The following STAT4 variants were observed in gnomAD, a reference collection of about 807,000 sequenced individuals.
The protein encoded by STAT4 is signal transducer and activator of transcription 4.
Under a neutral mutation model 110.5 loss-of-function variants are expected in STAT4, and 42 were observed. That is an observed-to-expected ratio of 0.38 (90% CI 0.30 to 0.49). The LOEUF (loss-of-function observed/expected upper bound fraction) is 0.49, where lower values mean the gene tolerates loss of function less well. STAT4 is among the 20% of genes least tolerant of loss of function. The pLI is 0.95. For missense variants in STAT4, 632 were observed against 887.9 expected, an observed-to-expected ratio of 0.71 and a Z score of 3.66; for synonymous variants, 284 against 302.2, an observed-to-expected ratio of 0.94 and a Z score of 0.63.
rs192971783 is a variant in STAT4, at chr2:191,140,596, C to T, written c.273+6017G>A. Among the ~76,000 whole-genome samples the T allele has an allele frequency of 5.9e-5, 9 of 152,218 alleles. No homozygotes were observed. The highest frequency in any genetic ancestry group is 2.0e-4 in the Admixed American group (3 of 15,292). ...AATGAAAAAGTCAAAAACCAATAGA[C>T]GCTGGCATGGATGTAGTGAAAAGGG... On this transcript the variant is annotated intron_variant, in intron 3 of 23. Transcript: ENST00000392320. This position sits in a 1 kb window ranked among gnomAD's most constrained non-coding sequence, Gnocchi z 4.4.
rs566306763 is a variant in STAT4, at chr2:191,125,423, T to C, written c.273+21190A>G. Among the ~76,000 whole-genome samples, 38 of 151,718 alleles carry C rather than the reference T, an allele frequency of 2.5e-4. 1 individual carries two copies. The highest frequency in any genetic ancestry group is 8.7e-4 in the African/African-American group (36 of 41,460). ...AGTAGCCAATCAGAGCATATGGTAA[T>C]AGACAACTGGAAATTGACTATCTAC... is the stretch of plus-strand genomic sequence containing the variant. On this transcript the variant is annotated intron_variant, in intron 3 of 23. Transcript: ENST00000392320.
At chr2:191,087,907 AT>A (rs748589501) in intron 3 of STAT4, among the ~76,000 whole-genome samples, 2 of 152,104 alleles carry the variant, frequency 1.3e-5, no homozygotes, top group Non-Finnish European at 2.9e-5. Flanking sequence ...TAAAAAAAAA[AT>A]GTACCAAAAA....
rs974509323 is a variant in STAT4 at position 191,043,210 on chromosome 2, A to T, written c.1252-2062T>A. Among the ~76,000 whole-genome samples, 15 of 152,360 alleles carry T rather than the reference A, an allele frequency of 9.8e-5. No homozygotes were observed. Among genetic ancestry groups the T allele is most frequent in the Non-Finnish European group, 2.1e-4 (14 of 68,028 alleles). On this transcript the variant is annotated intron_variant, in intron 14 of 23. Transcript: ENST00000392320. This position sits in a 1 kb window ranked among gnomAD's most constrained non-coding sequence, Gnocchi z 4.8. ...AGAAACATTCTGAAAATAATAAAGA[A>T]CCACTTAAAATATAATAAGAGAAAT... is the stretch of plus-strand genomic sequence containing the variant.
rs992771924 is a variant in STAT4, at chr2:191,099,074, G to T, written c.274-22749C>A. ...GGAAGTGAATGGGAAATTCACAAAA[G>T]AATACATCCAAATGACCAATAAATG... On this transcript the variant is annotated intron_variant, in intron 3 of 23. Transcript: ENST00000392320. The surrounding 1 kb of genome is among the most constrained non-coding windows in gnomAD (Gnocchi z 4.1). Among the ~76,000 whole-genome samples, 1 of 151,826 alleles carries T rather than the reference G, an allele frequency of 6.6e-6. No homozygotes were observed. The highest frequency in any genetic ancestry group is 1.5e-5 in the Non-Finnish European group (1 of 67,934).
chr2:191,060,950 T>C lies in STAT4; in HGVS notation c.1034+779A>G, dbSNP rs3024858. On this transcript the variant is annotated intron_variant, in intron 10 of 23. Transcript: ENST00000392320. The surrounding 1 kb of genome is among the most constrained non-coding windows in gnomAD (Gnocchi z 4.5). ...ACCATGGCATCACCACCTCTTGACC[T>C]GTTAGTCTGTGGTTTCAGCTTTCCA... Among the ~76,000 whole-genome samples, 141,112 of 152,216 alleles carry C rather than the reference T, an allele frequency of 0.93. 66,326 individuals carry two copies. The highest frequency in any genetic ancestry group is 1 in the South Asian group (4,820 of 4,820).
chr2:191,065,561 A>G (rs887903897), intron 7 of STAT4, among the ~76,000 whole-genome samples: 83 of 152,310 alleles, frequency 5.4e-4, no homozygotes, highest in African/African-American at 1.9e-3. Flanking sequence ...TTATTGTCAA[A>G]GTTCCTTCTC....
At chr2:191,096,961 T>C (rs978007069) in intron 3 of STAT4, among the ~76,000 whole-genome samples, 1 of 152,144 alleles carries the variant, frequency 6.6e-6, no homozygotes, top group Non-Finnish European at 1.5e-5. Context: ...TCACAAGCAT[T>C]CTTATACACC....
intron 3 of STAT4, among the ~76,000 whole-genome samples, chr2:191,123,720 A>G (rs1028195850): frequency 3.3e-5 from 5 of 152,228 alleles, no homozygotes; most frequent in African/African-American, 1.2e-4. Context: ...TAATGTATTG[A>G]ATATAGTACA....
intron 3 of STAT4, among the ~76,000 whole-genome samples, chr2:191,079,875 T>A (rs1265218587): frequency 6.6e-6 from 1 of 152,172 alleles, no homozygotes; most frequent in East Asian, 1.9e-4. Flanking sequence ...TGTAAATGTT[T>A]CATGTGAGCT....
chr2:191,119,928 C>A (rs1374460769), intron 3 of STAT4, among the ~76,000 whole-genome samples: 1 of 152,132 alleles, frequency 6.6e-6, no homozygotes, highest in East Asian at 1.9e-4. Flanking sequence ...CAAGAAATGG[C>A]TCTGGGTCAA....
intron 3 of STAT4, among the ~76,000 whole-genome samples, chr2:191,114,147 G>A (rs951679160): frequency 3.9e-5 from 6 of 152,256 alleles, no homozygotes; most frequent in East Asian, 1.9e-4. Flanking sequence ...TTCAGTGAAC[G>A]TAATGAAAAG....
In STAT4 at chr2:191,030,979, T is replaced by C; in HGVS notation, c.2213A>G (p.Glu738Gly). The change falls in exon 23 of 24, where the codon GAA (glutamate) becomes GGA (glycine). Residue 738 changes from glutamate (E) to glycine (G), a missense_variant. This residue lies in a region of STAT4 where 32 missense variants were observed against 67.6 expected (regional missense o/e 0.47). Coordinates refer to ENST00000392320, the MANE Select transcript of STAT4 (RefSeq NM_003151.4). The surrounding 1 kb of genome is among the most constrained non-coding windows in gnomAD (Gnocchi z 4.4). ...LRENLSPTTI[E>G]TAMKSPYSAE The stretch of plus-strand genomic sequence containing the variant: ...AAAATAAAGGGAACATACTGCAGTT[T>C]CAATTGTTGTGGGACTCAGGTTTTC... 2 of 1,613,748 alleles carry C rather than the reference T, an allele frequency of 1.2e-6. No homozygotes were observed. Among genetic ancestry groups the C allele is most frequent in the Non-Finnish European group, 8.5e-7 (1 of 1,179,654 alleles).
In STAT4 at chr2:191,140,681, G is replaced by A. The variant is rs59847806; in HGVS notation, c.273+5932C>T. Reference sequence around the variant, plus strand: ...GTACAACCACCATGGAAAACAGTATGGAGATTCCTCAAAGAAAAGCAGAAC... The same window carrying A: ...GTACAACCACCATGGAAAACAGTATAGAGATTCCTCAAAGAAAAGCAGAAC... On this transcript the variant is annotated intron_variant, in intron 3 of 23. Transcript: ENST00000392320. The surrounding 1 kb of genome is among the most constrained non-coding windows in gnomAD (Gnocchi z 4.4). Among the ~76,000 whole-genome samples the A allele has an allele frequency of 1.7e-3, 264 of 152,298 alleles. No homozygotes were observed. Among genetic ancestry groups the A allele is most frequent in the African/African-American group, 6.1e-3 (254 of 41,552 alleles).
At position 191,061,653 on chromosome 2, in the gene STAT4, G is replaced by T; in HGVS notation, c.1034+76C>A. ...AGAACAGCTGAATGCAAGCCACAATGAGAGAAATTGGCCTTGATCATCCAG... is the reference window on the plus strand; with the variant it reads ...AGAACAGCTGAATGCAAGCCACAATTAGAGAAATTGGCCTTGATCATCCAG... On this transcript the variant is annotated intron_variant, in intron 10 of 23. Coordinates refer to ENST00000392320, the MANE Select transcript of STAT4 (RefSeq NM_003151.4). This position sits in a 1 kb window ranked among gnomAD's most constrained non-coding sequence, Gnocchi z 6.2. The T allele has an allele frequency of 7.6e-7, 1 of 1,322,972 alleles. No individual in the cohort carries two copies. Among genetic ancestry groups the T allele is most frequent in the Admixed American group, 1.7e-5 (1 of 59,156 alleles). The allele number at this position is 1,322,972 out of a possible 1,614,324, so 82.0% of individuals were successfully genotyped here. A position where few individuals can be genotyped will look rare whatever the true frequency, so the allele number is the denominator to read the frequency against.
chr2:191,088,970 T>A (rs917292872), intron 3 of STAT4, among the ~76,000 whole-genome samples: 30 of 152,052 alleles, frequency 2.0e-4, no homozygotes, highest in African/African-American at 6.8e-4. Flanking sequence ...AAATGTAAAA[T>A]GCAAAACTAT....
chr2:191,122,356 T>A (rs1298241460), intron 3 of STAT4, among the ~76,000 whole-genome samples: 1 of 150,166 alleles, frequency 6.7e-6, no homozygotes, highest in Non-Finnish European at 1.5e-5. Flanking sequence ...GGCAATAACA[T>A]GTGTTGACTA....
In STAT4 at chr2:191,089,428, A is replaced by G. The variant is rs371180780; in HGVS notation, c.274-13103T>C. ...ACACCAAATGTTGATGCGGATGTGG[A>G]GCAACAGAAACTTTCATTTGTTGCT... On this transcript the variant is annotated intron_variant, in intron 3 of 23. Transcript: ENST00000392320. Among the ~76,000 whole-genome samples the G allele has an allele frequency of 2.4e-4, 37 of 152,342 alleles. No individual in the cohort carries two copies. The East Asian group carries it at 7.1e-3, about 29-fold the overall frequency.
chr2:191,074,238 C>T (rs1697247862), intron 4 of STAT4, among the ~76,000 whole-genome samples: 1 of 152,096 alleles, frequency 6.6e-6, no homozygotes, highest in Admixed American at 6.5e-5. Context: ...TGTAAGCAGC[C>T]CCTTCATCTT....
intron 3 of STAT4, among the ~76,000 whole-genome samples, chr2:191,096,301 GCAGAGACACAACAAAAAAAGAGAA>G (rs1697980914): frequency 6.6e-6 from 1 of 152,098 alleles, no homozygotes; most frequent in East Asian, 1.9e-4. Context: ...CCAAAGCCTG[GCAGAGACACAACAAAAAAAGAGAA>G]TTTTAGACCA....
Sources: allele counts gnomAD v4.1 joint callset (sites outside exome capture counted in the v4.1 genomes callset), GRCh38; gene constraint gnomAD v4.1.1; regional missense constraint gnomAD v4.1.1; non-coding constraint Gnocchi (gnomAD v3.1); transcripts MANE v1.5; gene names NCBI Gene and HGNC (gene_info 2026-07-23, HGNC 2026-07-21).